Variants in PCSK5 observed in about 807,000 individuals in gnomAD.
PCSK5 encodes the protein proprotein convertase subtilisin/kexin type 5, also known as prohormone convertase 5.
PCSK5 carries 129 observed loss-of-function variants against 233.2 expected under a neutral mutation model. That is an observed-to-expected ratio of 0.55 (90% CI 0.48 to 0.64). PCSK5 has a LOEUF of 0.64. Ranked by LOEUF, PCSK5 falls within the 30% of genes least tolerant of loss-of-function variation. The probability of loss-of-function intolerance (pLI) is 0.00; values close to 1 mark genes in which losing one functional copy is unlikely to be tolerated. For missense variants in PCSK5, 2,076 were observed against 2,430.1 expected, an observed-to-expected ratio of 0.85 and a Z score of 3.06; for synonymous variants, 825 against 879.2, an observed-to-expected ratio of 0.94 and a Z score of 1.09.
chr9:76,179,569 A>C (rs1426645272), intron 14 of PCSK5, 27 bp from the exon 15 acceptor site: 1 of 1,541,800 alleles, frequency 6.5e-7, no homozygotes, highest in Non-Finnish European at 9.0e-7. Flanking sequence ...CATTTTTCCA[A>C]GTATTGTTCT....
chr9:76,221,284 C>A (rs1825721017), intron 20 of PCSK5, among the ~76,000 whole-genome samples: 1 of 152,202 alleles, frequency 6.6e-6, no homozygotes, highest in Admixed American at 6.5e-5. Flanking sequence ...GCCCTTACCT[C>A]ATCAAGTAGT....
intron 21 of PCSK5, among the ~76,000 whole-genome samples, chr9:76,232,211 G>A (rs34224547): frequency 0.082 from 12,458 of 152,196 alleles, 677 homozygotes; most frequent in Admixed American, 0.13. Context: ...CTGATCTTTC[G>A]TGTGGTGTCC....
intron 2 of PCSK5, among the ~76,000 whole-genome samples, chr9:75,969,970 T>C (rs950135667): frequency 6.6e-6 from 1 of 151,686 alleles, no homozygotes; most frequent in Non-Finnish European, 1.5e-5. Flanking sequence ...ACTTCCCAGG[T>C]TGAAGCAATT....
intron 1 of PCSK5, among the ~76,000 whole-genome samples, 162 bp downstream of exon 1, chr9:75,891,535 A>G (rs1477163281): frequency 3.8e-4 from 4 of 10,594 alleles, no homozygotes; most frequent in Middle Eastern, 0.1. Context: ...GCGTACGCAC[A>G]CACACACACA....
intron 14 of PCSK5, among the ~76,000 whole-genome samples, chr9:76,179,393 A>C (rs1020601167): frequency 6.6e-6 from 1 of 152,146 alleles, no homozygotes; most frequent in East Asian, 1.9e-4. Flanking sequence ...TACCTAGGTA[A>C]TTGAGGTTGC....
intron 9 of PCSK5, among the ~76,000 whole-genome samples, chr9:76,133,536 G>C (rs1822847292): frequency 6.6e-6 from 1 of 151,954 alleles, no homozygotes; most frequent in Non-Finnish European, 1.5e-5. Context: ...CTGTGCCTTG[G>C]AGCCCAGCTT....
chr9:76,097,129 C>T (rs912743838), intron 8 of PCSK5, among the ~76,000 whole-genome samples: 5 of 150,580 alleles, frequency 3.3e-5, no homozygotes, highest in Admixed American at 1.3e-4. Context: ...GGCAGGGTTT[C>T]ACAGTGTTGG....
At chr9:76,348,130 C>T (rs1424519791) in intron 35 of PCSK5, among the ~76,000 whole-genome samples, 2 of 152,006 alleles carry the variant, frequency 1.3e-5, no homozygotes, top group African/African-American at 4.8e-5. Flanking sequence ...AAAATTTGGT[C>T]GGGTGCAGTG....
intron 34 of PCSK5, among the ~76,000 whole-genome samples, chr9:76,333,086 G>T (rs1265319844): frequency 2.0e-5 from 3 of 152,214 alleles, no homozygotes; most frequent in African/African-American, 7.2e-5. Context: ...TGAGGCAGGG[G>T]ATGATCACTT....
chr9:76,264,872 A>T (rs1289133884), intron 24 of PCSK5, among the ~76,000 whole-genome samples: 12 of 152,192 alleles, frequency 7.9e-5, no homozygotes, highest in African/African-American at 2.9e-4. Flanking sequence ...CAATCCCATT[A>T]CTGGGTATAT....
chr9:76,025,180 C>G (rs1828367632), intron 4 of PCSK5, among the ~76,000 whole-genome samples: 1 of 152,012 alleles, frequency 6.6e-6, no homozygotes, highest in Non-Finnish European at 1.5e-5. Flanking sequence ...GAAAGAGGAG[C>G]CTTTGATAAA....
At chr9:75,984,748 C>T (rs1826430760) in intron 2 of PCSK5, among the ~76,000 whole-genome samples, 1 of 152,192 alleles carries the variant, frequency 6.6e-6, no homozygotes, top group South Asian at 2.1e-4. Context: ...ATTTCTAACA[C>T]AGTACCTAGC....
chr9:76,296,428 G>A (rs888200861), intron 26 of PCSK5, among the ~76,000 whole-genome samples: 10 of 152,136 alleles, frequency 6.6e-5, no homozygotes, highest in Middle Eastern at 3.4e-3. Flanking sequence ...CTGTAGTCCC[G>A]GTCACTCAAG....
intron 24 of PCSK5, among the ~76,000 whole-genome samples, chr9:76,268,960 C>T (rs2131370440): frequency 6.6e-6 from 1 of 152,318 alleles, no homozygotes; most frequent in South Asian, 2.1e-4. Context: ...TTGGCCAAGT[C>T]CCTAAAAATT....
intron 5 of PCSK5, among the ~76,000 whole-genome samples, chr9:76,061,021 C>A (rs927620216): frequency 2.6e-5 from 4 of 152,020 alleles, no homozygotes; most frequent in Admixed American, 2.0e-4. Context: ...ATTAAATAGT[C>A]ACTAAATATC....
intron 24 of PCSK5, among the ~76,000 whole-genome samples, chr9:76,255,690 C>T (rs1242528083): frequency 2.6e-5 from 4 of 152,056 alleles, no homozygotes; most frequent in Non-Finnish European, 4.4e-5. Context: ...TTTAAGTTAG[C>T]CTGGTGCGGT....
At chr9:75,915,812 T>C (rs147278860) in intron 1 of PCSK5, among the ~76,000 whole-genome samples, 5 of 152,270 alleles carry the variant, frequency 3.3e-5, no homozygotes, top group African/African-American at 1.2e-4. Flanking sequence ...CAGTGATTCT[T>C]TTGGTAAAAC....
chr9:75,961,271 G>A (rs754411862), intron 2 of PCSK5, among the ~76,000 whole-genome samples: 1 of 152,168 alleles, frequency 6.6e-6, no homozygotes, highest in Non-Finnish European at 1.5e-5. Context: ...CCACTCACTT[G>A]CTACAAAGTG....
intron 7 of PCSK5, among the ~76,000 whole-genome samples, chr9:76,094,835 C>G (rs1261465634): frequency 1.3e-5 from 2 of 152,134 alleles, no homozygotes; most frequent in African/African-American, 4.8e-5. Context: ...GTCTTGAACT[C>G]CTGACCTCAG....
Sources: gnomAD v4.1 joint callset for allele counts (sites outside exome capture counted in the v4.1 genomes callset) on GRCh38, gnomAD v4.1.1 for gene constraint, MANE v1.5 for transcripts, NCBI Gene and HGNC (gene_info 2026-07-23, HGNC 2026-07-21) for gene names.